CDKAL1: variants seen among roughly 807,000 people sequenced by gnomAD.
CDKAL1 encodes the protein threonylcarbamoyladenosine tRNA methylthiotransferase.
CDKAL1 carries 32 observed loss-of-function variants against 68.2 expected under a neutral mutation model. The observed-to-expected ratio is 0.47, with a 90% confidence interval of 0.35 to 0.63. The LOEUF (loss-of-function observed/expected upper bound fraction) is 0.63. Ranked by LOEUF, CDKAL1 falls within the 30% of genes least tolerant of loss-of-function variation. CDKAL1 has a pLI of 0.00. For synonymous variants in CDKAL1, 234 were observed against 244.3 expected (o/e 0.96, Z 0.39); for missense variants, 606 against 696.7 (o/e 0.87, Z 1.47).
chr6:20,640,551 G>T (rs1768124933), intron 4 of CDKAL1, among the ~76,000 whole-genome samples: 1 of 152,160 alleles, frequency 6.6e-6, no homozygotes, highest in Non-Finnish European at 1.5e-5. Context: ...CAAAGGCCAA[G>T]ACATGACATG....
intron 9 of CDKAL1, among the ~76,000 whole-genome samples, chr6:20,923,944 G>A (rs143454140): frequency 2.2e-4 from 33 of 150,570 alleles, no homozygotes; most frequent in African/African-American, 5.6e-4. Context: ...TCCAAGGGGC[G>A]GAGGTTGCAG....
chr6:20,907,299 G>A (rs1004226984), intron 9 of CDKAL1, among the ~76,000 whole-genome samples: 55 of 152,178 alleles, frequency 3.6e-4, no homozygotes, highest in Non-Finnish European at 4.9e-4. Context: ...GCATGTGCTT[G>A]TAGTCCCAGC....
chr6:20,553,402 G>A (rs994016131), intron 4 of CDKAL1, among the ~76,000 whole-genome samples: 2 of 151,860 alleles, frequency 1.3e-5, no homozygotes, highest in African/African-American at 2.4e-5. Context: ...CCAGCTACTC[G>A]GGAGGCTGAG....
At chr6:20,926,262 C>T (rs369091746) in intron 9 of CDKAL1, among the ~76,000 whole-genome samples, 4 of 151,924 alleles carry the variant, frequency 2.6e-5, no homozygotes, top group South Asian at 4.1e-4. Context: ...GACACTGACC[C>T]AGCAGGAAAA....
intron 9 of CDKAL1, among the ~76,000 whole-genome samples, chr6:20,947,135 T>A (rs1290418029): frequency 1.3e-5 from 2 of 152,182 alleles, no homozygotes; most frequent in East Asian, 3.9e-4. Flanking sequence ...TTTATTTGTA[T>A]GAGGACACCT....
chr6:21,068,578 T>C (rs755132271), intron 12 of CDKAL1, among the ~76,000 whole-genome samples: 2 of 152,146 alleles, frequency 1.3e-5, no homozygotes, highest in Non-Finnish European at 2.9e-5. Flanking sequence ...TCTATTCTGT[T>C]CCTTTGGTCT....
intron 8 of CDKAL1, among the ~76,000 whole-genome samples, chr6:20,810,650 G>GTGTGTGTA (rs1776775072): frequency 7.6e-6 from 1 of 131,138 alleles, no homozygotes; most frequent in Non-Finnish European, 1.6e-5. Flanking sequence ...GTGTGTGTGT[G>GTGTGTGTA]TGTGTGTGTG....
intron 13 of CDKAL1, among the ~76,000 whole-genome samples, chr6:21,118,258 A>C (rs1050736424): frequency 5.9e-5 from 9 of 152,214 alleles, no homozygotes; most frequent in Non-Finnish European, 1.3e-4. Context: ...ATAGGCATCC[A>C]CTAGAGAAGT....
rs982796530 is a variant in CDKAL1 at position 20,793,358 on chromosome 6, G to T, written c.638+12093G>T. ...ATAATGACAAGGTGTCAGTAGCGGC[G>T]TTGATGTTGACACATTGCACGCATC... On this transcript the variant is annotated intron_variant, in intron 8 of 15. Coordinates refer to ENST00000274695, the MANE Select transcript of CDKAL1 (RefSeq NM_017774.3). 2.0e-5 allele frequency among the ~76,000 whole-genome samples: 3 copies of T among 152,118 alleles called. No individual in the cohort carries two copies. In the East Asian group the frequency reaches 5.8e-4, roughly 29 times the overall value.
chr6:21,010,466 A>G (rs1767949231), intron 11 of CDKAL1, among the ~76,000 whole-genome samples: 1 of 152,184 alleles, frequency 6.6e-6, no homozygotes, highest in African/African-American at 2.4e-5. Context: ...TCCTAACCAG[A>G]GATCCATTTC....
At chr6:21,207,427 G>A (rs796730581) in intron 15 of CDKAL1, among the ~76,000 whole-genome samples, 14 of 152,158 alleles carry the variant, frequency 9.2e-5, no homozygotes, top group African/African-American at 2.6e-4. Context: ...TTGGGAGGCC[G>A]AGGTGGGAGG....
chr6:20,932,779 C>T (rs1157319587), intron 9 of CDKAL1, among the ~76,000 whole-genome samples: 1 of 152,084 alleles, frequency 6.6e-6, no homozygotes, highest in Non-Finnish European at 1.5e-5. Context: ...TATTATCTAC[C>T]TAGTTCCAAA....
At chr6:21,060,526 T>C (rs2150925752) in intron 11 of CDKAL1, among the ~76,000 whole-genome samples, 2 of 152,226 alleles carry the variant, frequency 1.3e-5, no homozygotes, top group East Asian at 3.9e-4. Context: ...TTCTATTTCA[T>C]TGATTTCTTA....
At chr6:20,918,686 G>A (rs1762823839) in intron 9 of CDKAL1, among the ~76,000 whole-genome samples, 1 of 152,170 alleles carries the variant, frequency 6.6e-6, no homozygotes, top group African/African-American at 2.4e-5. Flanking sequence ...ATTTTAGGCT[G>A]GAGTTGATAA....
rs1772960578 is a variant in CDKAL1, at chr6:21,090,740, A to G, written c.1237-17661A>G. On this transcript the variant is annotated intron_variant, in intron 12 of 15. Transcript: ENST00000274695. ...ATTATTTCAAAAGAGAAATTCATGA[A>G]TGTCATATGTGTATGTGTGAACTAA... Among the ~76,000 whole-genome samples, 3 of 152,036 alleles carry G rather than the reference A, an allele frequency of 2.0e-5. No individual in the cohort carries two copies. The South Asian group carries it at 6.2e-4, about 32-fold the overall frequency.
At chr6:20,739,288 G>A (rs568689380) in intron 5 of CDKAL1, among the ~76,000 whole-genome samples, 3 of 152,216 alleles carry the variant, frequency 2.0e-5, no homozygotes, top group Non-Finnish European at 2.9e-5. Flanking sequence ...ATAATGAGAC[G>A]GTAATGAATG....
intron 13 of CDKAL1, among the ~76,000 whole-genome samples, chr6:21,187,122 A>C (rs1304152120): frequency 6.6e-6 from 1 of 152,034 alleles, no homozygotes; most frequent in African/African-American, 2.4e-5. Context: ...ACACATCTCA[A>C]TTGAGATTCG....
chr6:21,049,384 C>T (rs1383927569), intron 11 of CDKAL1, among the ~76,000 whole-genome samples: 2 of 152,046 alleles, frequency 1.3e-5, no homozygotes, highest in Non-Finnish European at 2.9e-5. Flanking sequence ...TTCATGTTAC[C>T]ATAGAAACAG....
At chr6:21,115,143 A>T (rs1456537108) in intron 13 of CDKAL1, among the ~76,000 whole-genome samples, 1 of 152,240 alleles carries the variant, frequency 6.6e-6, no homozygotes, top group Non-Finnish European at 1.5e-5. Flanking sequence ...TTCAGATGTC[A>T]CTTACTGATT....
Sources: gnomAD v4.1 joint callset for allele counts (sites outside exome capture counted in the v4.1 genomes callset) on GRCh38, gnomAD v4.1.1 for gene constraint, MANE v1.5 for transcripts, NCBI Gene and HGNC (gene_info 2026-07-23, HGNC 2026-07-21) for gene names.